CHN1: variants seen among roughly 807,000 people sequenced by gnomAD.
CHN1 encodes the protein chimerin 1.
Under a neutral mutation model 59.5 loss-of-function variants are expected in CHN1, and 37 were observed. That is an observed-to-expected ratio of 0.62 (90% CI 0.48 to 0.82). The LOEUF is 0.82. CHN1 is among the 40% of genes least tolerant of loss of function. The probability of loss-of-function intolerance (pLI) is 0.00; values close to 1 mark genes in which losing one functional copy is unlikely to be tolerated. For synonymous variants in CHN1, 206 were observed against 200.4 expected, an observed-to-expected ratio of 1.03 and a Z score of -0.24; for missense variants, 469 against 571.0, an observed-to-expected ratio of 0.82 and a Z score of 1.82.
chr2:174,808,171 G>C (rs1305607057), intron 11 of CHN1, among the ~76,000 whole-genome samples: 2 of 152,204 alleles, frequency 1.3e-5, no homozygotes, highest in Non-Finnish European at 2.9e-5. Context: ...TTAATAGTCT[G>C]AGTGAACTTA....
chr2:174,809,108 C>A, intron 10 of CHN1, 66 bp from the exon 11 acceptor site: 1 of 1,381,998 alleles, frequency 7.2e-7, no homozygotes, highest in Admixed American at 2.1e-5. Flanking sequence ...TAATGAATGA[C>A]ATATCTGTAT....
Position 174,846,737 on chromosome 2 carries a change from AG to A in CHN1, c.627+142del, listed in dbSNP as rs1686528200. The stretch of plus-strand genomic sequence containing the variant: ...ATTCAGCTATTCCTCAAGTAAAATC[AG>A]GCTGAAAACATCTCACTCCTTAAAT... On this transcript the variant is annotated intron_variant, in intron 7 of 12. Coordinates refer to ENST00000409900, the MANE Select transcript of CHN1 (RefSeq NM_001822.7). 13 of 906,132 alleles carry A rather than the reference AG, an allele frequency of 1.4e-5. No homozygotes were observed. The South Asian group carries it at 2.6e-4, about 18-fold the overall frequency. 56.1% of individuals were successfully genotyped at this position (906,132 alleles called of 1,614,324 possible). A position where few individuals can be genotyped will look rare whatever the true frequency, so the allele number is the denominator to read the frequency against.
chr2:174,969,186 A>G (rs1690679918), intron 1 of CHN1, among the ~76,000 whole-genome samples: 1 of 152,244 alleles, frequency 6.6e-6, no homozygotes, highest in South Asian at 2.1e-4. Flanking sequence ...GTGTTAAAAC[A>G]TAAATCAGAA....
chr2:174,912,132 C>T (rs777778270), intron 5 of CHN1, among the ~76,000 whole-genome samples: 3 of 151,740 alleles, frequency 2.0e-5, no homozygotes, highest in African/African-American at 4.8e-5. Flanking sequence ...ATAAAAAATA[C>T]GAAATATGAA....
At chr2:174,812,619 G>T in intron 8 of CHN1, 137 bp from the exon 9 acceptor site, 1 of 670,588 alleles carries the variant, frequency 1.5e-6, no homozygotes, top group Non-Finnish European at 2.4e-6. Flanking sequence ...GTTCTTTCTT[G>T]GTGGAAAAAC....
rs532281391 is a variant in CHN1 at position 174,907,075 on chromosome 2, T to G, written c.260+7983A>C. Among the ~76,000 whole-genome samples, 58 of 152,264 alleles carry G rather than the reference T, an allele frequency of 3.8e-4. No individual in the cohort carries two copies. The South Asian group carries it at 0.011, about 30-fold the overall frequency. On this transcript the variant is annotated intron_variant, in intron 5 of 12. Transcript: ENST00000409900. ...AGGCTCTGAACACTCAGCCTATATA[T>G]TTTAAGTTTTCTCACTCTGTAGACA...
chr2:174,867,506 C>T lies in CHN1; in HGVS notation c.549+10334G>A, dbSNP rs555613463. Among the ~76,000 whole-genome samples, 26 of 152,220 alleles carry T rather than the reference C, an allele frequency of 1.7e-4. 1 individual carries two copies. In the Middle Eastern group the frequency reaches 0.01, roughly 60 times the overall value. On this transcript the variant is annotated intron_variant, in intron 6 of 12. Coordinates refer to ENST00000409900, the MANE Select transcript of CHN1 (RefSeq NM_001822.7). Reference sequence around the variant, plus strand: ...CAAGAAGAGTTTCTCTCTTTCTACTCCAATTTCCTCATCTTTAAAAATGAT... The same window carrying T: ...CAAGAAGAGTTTCTCTCTTTCTACTTCAATTTCCTCATCTTTAAAAATGAT...
chr2:174,859,281 A>G (rs1173361236), intron 6 of CHN1, among the ~76,000 whole-genome samples: 1 of 152,160 alleles, frequency 6.6e-6, no homozygotes, highest in African/African-American at 2.4e-5. Context: ...CTAACGCTCT[A>G]GGAAGATATG....
chr2:174,837,838 A>G (rs1388576748), intron 7 of CHN1, among the ~76,000 whole-genome samples: 1 of 152,180 alleles, frequency 6.6e-6, no homozygotes, highest in Non-Finnish European at 1.5e-5. Context: ...TTTAACCTAT[A>G]TTCCACTTCC....
intron 5 of CHN1, among the ~76,000 whole-genome samples, chr2:174,904,189 G>A (rs961086204): frequency 1.7e-4 from 26 of 151,836 alleles, no homozygotes; most frequent in African/African-American, 6.0e-4. Context: ...CTTGAACCCG[G>A]GAGGTGGAGG....
intron 1 of CHN1, among the ~76,000 whole-genome samples, chr2:174,974,487 A>AC (rs1270103164): frequency 6.6e-6 from 1 of 152,182 alleles, no homozygotes; most frequent in African/African-American, 2.4e-5. Context: ...ATGTGCTTTT[A>AC]CCAGTCTGCA....
intron 2 of CHN1, among the ~76,000 whole-genome samples, chr2:174,948,399 G>T (rs747831717): frequency 6.6e-6 from 1 of 152,134 alleles, no homozygotes; most frequent in Non-Finnish European, 1.5e-5. Flanking sequence ...TTTATTACAT[G>T]TAAGGTTCCT....
chr2:174,998,302 CAAA>C (rs34770658), intron 1 of CHN1, among the ~76,000 whole-genome samples: 2 of 48,806 alleles, frequency 4.1e-5, no homozygotes, highest in Non-Finnish European at 7.3e-5. Context: ...GACTCTGTCT[CAAA>C]AAAAAAAAAA....
At position 175,004,941 on chromosome 2, in the gene CHN1, T is replaced by TCCAGGCGCTCCTC; in HGVS notation, c.-42_-30dup. 1 of 1,524,184 alleles carries TCCAGGCGCTCCTC rather than the reference T, an allele frequency of 6.6e-7. No individual in the cohort carries two copies. 94.4% of individuals were successfully genotyped at this position (1,524,184 alleles called of 1,614,324 possible). On this transcript the variant is annotated 5_prime_UTR_variant, in exon 1 of 13. Coordinates refer to ENST00000409900, the MANE Select transcript of CHN1 (RefSeq NM_001822.7). Reference sequence around the variant, plus strand: ...AAAGGCGCTCGCCGCCGCCCGCGAGTCCAGGCGCTCCTCCCAGGCGGGCTA... The same window carrying TCCAGGCGCTCCTC: ...AAAGGCGCTCGCCGCCGCCCGCGAGTCCAGGCGCTCCTCCCAGGCGCTCCTCCCAGGCGGGCTA...
At chr2:174,971,776 G>C (rs901117037) in intron 1 of CHN1, among the ~76,000 whole-genome samples, 1 of 152,174 alleles carries the variant, frequency 6.6e-6, no homozygotes, top group African/African-American at 2.4e-5. Context: ...TCATACTCCT[G>C]ACCAAAATTG....
At chr2:174,906,590 TA>T (rs2105362010) in intron 5 of CHN1, among the ~76,000 whole-genome samples, 1 of 152,248 alleles carries the variant, frequency 6.6e-6, no homozygotes, top group Non-Finnish European at 1.5e-5. Context: ...ATTGCTATGC[TA>T]TATAACTGAA....
At chr2:174,941,450 C>G (rs1407547881) in intron 3 of CHN1, among the ~76,000 whole-genome samples, 1 of 152,158 alleles carries the variant, frequency 6.6e-6, no homozygotes, top group Non-Finnish European at 1.5e-5. Context: ...AGTATACTTT[C>G]TAATTGTGTC....
chr2:174,843,789 A>G (rs1574080002), intron 7 of CHN1, among the ~76,000 whole-genome samples: 2 of 152,026 alleles, frequency 1.3e-5, no homozygotes, highest in East Asian at 3.9e-4. Flanking sequence ...AATTTTTCCG[A>G]TGTAGAGAGA....
intron 5 of CHN1, among the ~76,000 whole-genome samples, chr2:174,891,415 C>T (rs1326569744): frequency 6.6e-6 from 1 of 150,776 alleles, no homozygotes; most frequent in Non-Finnish European, 1.5e-5. Context: ...ACTAAAAATA[C>T]AAAAATTAGC....
Sources: gnomAD v4.1 joint callset for allele counts (sites outside exome capture counted in the v4.1 genomes callset) on GRCh38, gnomAD v4.1.1 for gene constraint, MANE v1.5 for transcripts, NCBI Gene and HGNC (gene_info 2026-07-23, HGNC 2026-07-21) for gene names.